HHAT: variants seen among roughly 807,000 people sequenced by gnomAD.
The protein encoded by HHAT is hedgehog acyltransferase.
In HHAT, 47 loss-of-function variants were observed where a neutral mutation model predicts 70.8. The observed-to-expected ratio is 0.66, with a 90% CI of 0.53 to 0.85. HHAT has a LOEUF of 0.85. Among genes scored for constraint, HHAT ranks in the 40% least tolerant of loss-of-function variants. The pLI, the probability that HHAT is intolerant of heterozygous loss-of-function variation, is 0.00. For synonymous variants in HHAT, 228 were observed against 247.6 expected (o/e 0.92, Z 0.74); for missense variants, 609 against 604.8 (o/e 1.01, Z -0.07).
At chr1:210,552,770 G>C (rs2095537833) in intron 9 of HHAT, among the ~76,000 whole-genome samples, 1 of 152,222 alleles carries the variant, frequency 6.6e-6, no homozygotes, top group African/African-American at 2.4e-5. Context: ...GCTGCCAGGA[G>C]AGCAAATGGG....
intron 9 of HHAT, among the ~76,000 whole-genome samples, chr1:210,560,784 G>A (rs1313031236): frequency 8.3e-6 from 1 of 119,988 alleles, no homozygotes; most frequent in East Asian, 2.8e-4. Flanking sequence ...CTGCACTGCA[G>A]CCTGGGTGAC....
At chr1:210,374,601 C>A (rs1478650433) in intron 3 of HHAT, among the ~76,000 whole-genome samples, 2 of 152,054 alleles carry the variant, frequency 1.3e-5, no homozygotes, top group South Asian at 4.1e-4. Flanking sequence ...CCTGGGTTAA[C>A]CATGGAAACT....
At chr1:210,387,015 T>A (rs1455489433) in intron 3 of HHAT, among the ~76,000 whole-genome samples, 2 of 152,236 alleles carry the variant, frequency 1.3e-5, no homozygotes, top group Admixed American at 6.5e-5. Flanking sequence ...AGTTTACATT[T>A]CTCAGTGAAA....
intron 8 of HHAT, among the ~76,000 whole-genome samples, chr1:210,484,252 T>C (rs2094441214): frequency 6.6e-6 from 1 of 152,180 alleles, no homozygotes; most frequent in Non-Finnish European, 1.5e-5. Context: ...TTTTTTTGTC[T>C]TTTATGACAT....
At chr1:210,599,374 A>C (rs962153871) in intron 10 of HHAT, among the ~76,000 whole-genome samples, 1 of 152,146 alleles carries the variant, frequency 6.6e-6, no homozygotes, top group African/African-American at 2.4e-5. Context: ...TGCCCTTGGC[A>C]CCTCATATAT....
intron 4 of HHAT, among the ~76,000 whole-genome samples, chr1:210,396,527 T>C (rs112139142): frequency 6.6e-6 from 1 of 152,202 alleles, no homozygotes; most frequent in Non-Finnish European, 1.5e-5. Context: ...GAAAAACTGT[T>C]TTATAGTTTA....
At chr1:210,368,259 G>C (rs911586700) in intron 3 of HHAT, among the ~76,000 whole-genome samples, 2 of 152,160 alleles carry the variant, frequency 1.3e-5, no homozygotes, top group Non-Finnish European at 2.9e-5. Flanking sequence ...ATGGGCTTAA[G>C]TTCAAATTTG....
chr1:210,437,138 G>A (rs1300783552), intron 7 of HHAT, among the ~76,000 whole-genome samples: 4 of 151,864 alleles, frequency 2.6e-5, no homozygotes, highest in African/African-American at 9.7e-5. Flanking sequence ...AGCACATTCT[G>A]TATCCCGTGG....
intron 1 of HHAT, among the ~76,000 whole-genome samples, chr1:210,344,486 G>A (rs908032960): frequency 6.6e-6 from 1 of 152,120 alleles, no homozygotes; most frequent in African/African-American, 2.4e-5. Context: ...GTAACTGAGT[G>A]TCCTATTAAG....
rs1429636230 is a variant in HHAT at position 210,643,093 on chromosome 1, G to GA, written c.1390+19429dup. On this transcript the variant is annotated intron_variant, in intron 11 of 11. Transcript: ENST00000261458. ...TTTAATTGACCCAGCAACATTCATTGAAAAAACCATTGTATCCCCCACAGA... is the reference window on the plus strand; with the variant it reads ...TTTAATTGACCCAGCAACATTCATTGAAAAAAACCATTGTATCCCCCACAGA... 2.6e-4 allele frequency among the ~76,000 whole-genome samples: 39 copies of GA among 152,190 alleles called. 1 individual carries two copies. In the East Asian group the frequency reaches 6.9e-3, roughly 27 times the overall value.
intron 4 of HHAT, among the ~76,000 whole-genome samples, chr1:210,393,654 G>C (rs145568105): frequency 1.3e-5 from 2 of 152,298 alleles, no homozygotes; most frequent in East Asian, 3.9e-4. Flanking sequence ...GGGTGGACAG[G>C]TGGACTAGGC....
At chr1:210,612,876 T>A (rs1211341376) in intron 10 of HHAT, among the ~76,000 whole-genome samples, 1 of 152,212 alleles carries the variant, frequency 6.6e-6, no homozygotes, top group Non-Finnish European at 1.5e-5. Flanking sequence ...GATTTGCATT[T>A]CCTTTATGAC....
At chr1:210,337,308 T>A (rs571774127) in intron 1 of HHAT, among the ~76,000 whole-genome samples, 6 of 152,220 alleles carry the variant, frequency 3.9e-5, no homozygotes, top group Non-Finnish European at 7.3e-5. Flanking sequence ...TTTCTATAAA[T>A]CCTTTCAGTT....
chr1:210,396,789 T>C (rs2091813632), intron 4 of HHAT, among the ~76,000 whole-genome samples: 1 of 152,164 alleles, frequency 6.6e-6, no homozygotes, highest in South Asian at 2.1e-4. Context: ...ATACAGCAAC[T>C]TGGATGAATC....
At chr1:210,350,108 T>C (rs1264333318) in intron 2 of HHAT, among the ~76,000 whole-genome samples, 1 of 151,780 alleles carries the variant, frequency 6.6e-6, no homozygotes, top group East Asian at 1.9e-4. Flanking sequence ...AGAAGTCTTC[T>C]AACTGTTATT....
chr1:210,504,927 G>A (rs1193584810), intron 8 of HHAT, among the ~76,000 whole-genome samples: 9 of 139,608 alleles, frequency 6.4e-5, no homozygotes, highest in Admixed American at 6.0e-4. Context: ...TTTTGAGACG[G>A]AGTCTCGCTC....
At chr1:210,399,521 T>G (rs2091962840) in intron 4 of HHAT, among the ~76,000 whole-genome samples, 2 of 152,204 alleles carry the variant, frequency 1.3e-5, no homozygotes, top group Non-Finnish European at 2.9e-5. Flanking sequence ...CCCAAAGTGC[T>G]GGGATATCCC....
At chr1:210,415,631 A>C (rs1462232827) in intron 6 of HHAT, among the ~76,000 whole-genome samples, 1 of 151,990 alleles carries the variant, frequency 6.6e-6, no homozygotes, top group Admixed American at 6.6e-5. Context: ...GGGAAACAAA[A>C]GGCAAAAGGG....
At chr1:210,631,145 C>T (rs1156576255) in intron 11 of HHAT, 1 of 455,696 alleles carries the variant, frequency 2.2e-6, no homozygotes, top group Admixed American at 2.4e-5. Context: ...AAAACACCTC[C>T]GAATTGTCCA....
Sources: gnomAD v4.1 joint callset for allele counts (sites outside exome capture counted in the v4.1 genomes callset) on GRCh38, gnomAD v4.1.1 for gene constraint, MANE v1.5 for transcripts, NCBI Gene and HGNC (gene_info 2026-07-23, HGNC 2026-07-21) for gene names.